CNOT2: variants seen among roughly 807,000 people sequenced by gnomAD.
The protein encoded by CNOT2 is CCR4-NOT transcription complex subunit 2.
In CNOT2, 7 loss-of-function variants were observed where a neutral mutation model predicts 72.1. The observed-to-expected ratio is 0.10, with a 90% CI of 0.06 to 0.18. The LOEUF (loss-of-function observed/expected upper bound fraction) is 0.18, where lower values mean the gene tolerates loss of function less well. Ranked by LOEUF, CNOT2 falls within the 10% of genes least tolerant of loss-of-function variation. CNOT2 has a pLI of 1.00. For missense variants in CNOT2, 345 were observed against 660.3 expected (o/e 0.52, Z 5.23); for synonymous variants, 196 against 225.6 (o/e 0.87, Z 1.17).
chr12:70,319,404 G>A (rs1488475571), intron 4 of CNOT2, 40 bp downstream of exon 4: 3 of 1,577,714 alleles, frequency 1.9e-6, no homozygotes, highest in South Asian at 2.2e-5. Flanking sequence ...TTTATTTAAA[G>A]AGAAAAATAA....
At chr12:70,324,686 C>G (rs909532976) in intron 4 of CNOT2, among the ~76,000 whole-genome samples, 5 of 151,848 alleles carry the variant, frequency 3.3e-5, no homozygotes, top group African/African-American at 7.2e-5. Context: ...TCAGCTGATT[C>G]GAGCACAGCA....
intron 1 of CNOT2, among the ~76,000 whole-genome samples, chr12:70,250,868 A>G (rs1348613801): frequency 6.6e-6 from 1 of 152,178 alleles, no homozygotes; most frequent in African/African-American, 2.4e-5. Context: ...AAGCATAATG[A>G]TCTGTGTCTT....
chr12:70,264,122 C>T (rs1958906999), intron 1 of CNOT2, among the ~76,000 whole-genome samples: 1 of 152,202 alleles, frequency 6.6e-6, no homozygotes, highest in Non-Finnish European at 1.5e-5. Context: ...AATTTCTCCA[C>T]AGTGAGATCA....
chr12:70,247,922 TAC>T, intron 1 of CNOT2, among the ~76,000 whole-genome samples: 1 of 152,366 alleles, frequency 6.6e-6, no homozygotes, highest in Middle Eastern at 3.4e-3. Flanking sequence ...AATCCTTTCT[TAC>T]AGTTTTGCTT....
chr12:70,327,896 A>G (rs1293996756), intron 4 of CNOT2, among the ~76,000 whole-genome samples: 17 of 151,962 alleles, frequency 1.1e-4, no homozygotes, highest in African/African-American at 2.4e-5. Context: ...GAGGGAAAAG[A>G]CAGATTTCTT....
intron 2 of CNOT2, among the ~76,000 whole-genome samples, chr12:70,285,017 G>A (rs932964739): frequency 1.3e-5 from 2 of 152,136 alleles, no homozygotes; most frequent in East Asian, 1.9e-4. Flanking sequence ...TTTTGGCAAC[G>A]TATGACGTAG....
intron 3 of CNOT2, among the ~76,000 whole-genome samples, chr12:70,315,813 C>T (rs1235038010): frequency 6.6e-6 from 1 of 152,086 alleles, no homozygotes; most frequent in East Asian, 1.9e-4. Flanking sequence ...TACCGTTTGC[C>T]ACTCTTAAGA....
intron 2 of CNOT2, among the ~76,000 whole-genome samples, chr12:70,281,318 C>T (rs188874612): frequency 2.0e-5 from 3 of 152,000 alleles, no homozygotes; most frequent in Non-Finnish European, 2.9e-5. Flanking sequence ...CTCCTGACCT[C>T]GTGATCTGCC....
At chr12:70,338,639 A>G in intron 10 of CNOT2, 27 bp from the exon 11 acceptor site, 1 of 1,597,444 alleles carries the variant, frequency 6.3e-7, no homozygotes, top group Non-Finnish European at 8.5e-7. Flanking sequence ...TCTTGAAAAT[A>G]AAAGCAACTG....
rs1038330292 is a variant in CNOT2, at chr12:70,292,625, CAG to C, written c.48+14352_48+14353del. On this transcript the variant is annotated intron_variant, in intron 2 of 15. Coordinates refer to ENST00000229195, the MANE Select transcript of CNOT2 (RefSeq NM_014515.7). ...CATGAAGAGAAGGGGAGAATGCTAACAGGGGAGATTAGAGATAACAAAGAGTA... is the reference window on the plus strand; with the variant it reads ...CATGAAGAGAAGGGGAGAATGCTAACGGGAGATTAGAGATAACAAAGAGTA... 1.9e-4 allele frequency among the ~76,000 whole-genome samples: 29 copies of C among 152,260 alleles called. 1 individual carries two copies. The highest frequency in any genetic ancestry group is 1.5e-3 in the Admixed American group (23 of 15,296).
upstream of CNOT2, chr12:70,243,211 G>C (rs1335736420): frequency 6.6e-6 from 1 of 152,574 alleles, no homozygotes; most frequent in East Asian, 1.9e-4. Context: ...CTCCCTGTGA[G>C]TCGGTGGGAG....
intron 1 of CNOT2, among the ~76,000 whole-genome samples, chr12:70,257,352 C>T (rs1958506371): frequency 7.1e-6 from 1 of 141,572 alleles, no homozygotes; most frequent in Non-Finnish European, 1.5e-5. Context: ...CCCAACTACC[C>T]CCTTTTTTTT....
intron 1 of CNOT2, among the ~76,000 whole-genome samples, chr12:70,258,671 G>A (rs1958576771): frequency 6.6e-6 from 1 of 152,204 alleles, no homozygotes; most frequent in Non-Finnish European, 1.5e-5. Context: ...TGGTGGTAAG[G>A]ATAAGGAGGA....
At chr12:70,301,314 T>C (rs1337512128) in intron 2 of CNOT2, among the ~76,000 whole-genome samples, 1 of 152,220 alleles carries the variant, frequency 6.6e-6, no homozygotes, top group Admixed American at 6.5e-5. Context: ...TCAAAGGGAA[T>C]GCTTCCAGTT....
chr12:70,299,847 A>G lies in CNOT2; in HGVS notation c.49-11048A>G, dbSNP rs374479676. 3.3e-4 allele frequency among the ~76,000 whole-genome samples: 50 copies of G among 152,298 alleles called. 1 individual carries two copies. In the East Asian group the frequency reaches 8.3e-3, roughly 25 times the overall value. ...TAGTTTACAGTCCCACCAGCAGTGTAAAAGTGTTCCTATTTCTCCACATCC... is the reference window on the plus strand; with the variant it reads ...TAGTTTACAGTCCCACCAGCAGTGTGAAAGTGTTCCTATTTCTCCACATCC... On this transcript the variant is annotated intron_variant, in intron 2 of 15. Transcript: ENST00000229195.
intron 1 of CNOT2, among the ~76,000 whole-genome samples, chr12:70,261,977 TATTTA>T: frequency 6.6e-6 from 1 of 152,182 alleles, no homozygotes; most frequent in African/African-American, 2.4e-5. Context: ...TCCCTTTAGT[TATTTA>T]ATTTGTTAGT....
At chr12:70,337,564 T>C (rs745512873) in intron 9 of CNOT2, 51 bp downstream of exon 9, 2 of 1,562,484 alleles carry the variant, frequency 1.3e-6, no homozygotes, top group Admixed American at 3.4e-5. Context: ...TCCCTTCAGA[T>C]TTCTCTTATA....
intron 2 of CNOT2, among the ~76,000 whole-genome samples, chr12:70,302,815 G>T (rs1455489833): frequency 2.0e-5 from 3 of 151,854 alleles, no homozygotes; most frequent in Admixed American, 1.3e-4. Flanking sequence ...TGACAGTGGG[G>T]TGTTAAAGTC....
chr12:70,249,134 A>G (rs1157426536), intron 1 of CNOT2, among the ~76,000 whole-genome samples: 1 of 151,964 alleles, frequency 6.6e-6, no homozygotes, highest in Non-Finnish European at 1.5e-5. Flanking sequence ...AGAGAGGAGC[A>G]TTTGGTTTTG....
Sources: allele counts gnomAD v4.1 joint callset (sites outside exome capture counted in the v4.1 genomes callset), GRCh38; gene constraint gnomAD v4.1.1; transcripts MANE v1.5; gene names NCBI Gene and HGNC (gene_info 2026-07-23, HGNC 2026-07-21).